The following SLC1A2 variants were observed in gnomAD, a reference collection of about 807,000 sequenced individuals.
SLC1A2 encodes solute carrier family 1 member 2.
SLC1A2 carries 15 observed loss-of-function variants against 48.8 expected under a neutral mutation model. That is an observed-to-expected ratio of 0.31 (90% CI 0.21 to 0.47). SLC1A2 has a LOEUF of 0.47. Ranked by LOEUF, SLC1A2 falls within the 20% of genes least tolerant of loss-of-function variation. The pLI is 0.99. For missense variants in SLC1A2, 502 were observed against 730.5 expected (o/e 0.69, Z 3.61); for synonymous variants, 279 against 272.6 (o/e 1.02, Z -0.23).
intron 1 of SLC1A2, among the ~76,000 whole-genome samples, chr11:35,400,685 G>A (rs536172559): frequency 2.6e-5 from 4 of 152,138 alleles, no homozygotes; most frequent in African/African-American, 9.7e-5. Context: ...AAAATTTCTA[G>A]AGGGATAACT....
chr11:35,413,795 C>T (rs1195262840), intron 1 of SLC1A2: 2 of 152,188 alleles, frequency 1.3e-5, no homozygotes, highest in African/African-American at 4.8e-5. Context: ...TGGCTGGGAA[C>T]TTGGGATGGC....
intron 1 of SLC1A2, among the ~76,000 whole-genome samples, chr11:35,340,966 C>G (rs1298283568): frequency 6.6e-6 from 1 of 152,142 alleles, no homozygotes; most frequent in Non-Finnish European, 1.5e-5. Flanking sequence ...AAAGCAGTGA[C>G]CAGTTCAAGG....
intron 1 of SLC1A2, among the ~76,000 whole-genome samples, chr11:35,393,757 T>TC (rs1413180843): frequency 6.6e-6 from 1 of 152,012 alleles, no homozygotes; most frequent in Admixed American, 6.5e-5. Context: ...TCTCCCCCCA[T>TC]CCCCAAAATA....
At position 35,258,755 on chromosome 11, in the gene SLC1A2, C is replaced by G. The variant is rs576683697; in HGVS notation, c.*2139G>C. The G allele has an allele frequency of 6.6e-6, 1 of 152,244 alleles. No individual in the cohort carries two copies. Among genetic ancestry groups the G allele is most frequent in the African/African-American group, 2.4e-5 (1 of 41,516 alleles). 9.4% of individuals were successfully genotyped at this position (152,244 alleles called of 1,614,324 possible). A position where few individuals can be genotyped will look rare whatever the true frequency, so the allele number is the denominator to read the frequency against. On this transcript the variant is annotated 3_prime_UTR_variant, in exon 11 of 11. Transcript: ENST00000278379. ...AGGAGATCGAGACCATCCTGGCTAA[C>G]ATAATGAAACCCATCTGTACTAAAA...
chr11:35,380,651 A>G (rs1333436517), intron 1 of SLC1A2: 1 of 366,186 alleles, frequency 2.7e-6, no homozygotes, highest in African/African-American at 2.1e-5. Context: ...AAAGAGGTAT[A>G]TAAATAAAAA....
chr11:35,307,479 G>C (rs963743871), intron 4 of SLC1A2, among the ~76,000 whole-genome samples: 5 of 152,174 alleles, frequency 3.3e-5, no homozygotes, highest in African/African-American at 1.2e-4. Flanking sequence ...TACATGCAGA[G>C]TGCTATAAAA....
At chr11:35,401,512 G>A (rs1161007383) in intron 1 of SLC1A2, among the ~76,000 whole-genome samples, 1 of 152,148 alleles carries the variant, frequency 6.6e-6, no homozygotes, top group Admixed American at 6.5e-5. Flanking sequence ...AATGAGAAAT[G>A]TTCAACCACC....
chr11:35,290,319 G>A (rs937311921), intron 7 of SLC1A2, among the ~76,000 whole-genome samples: 1 of 152,112 alleles, frequency 6.6e-6, no homozygotes, highest in Non-Finnish European at 1.5e-5. Flanking sequence ...ACTGTGGCTA[G>A]GACAGGGTGG....
intron 6 of SLC1A2, among the ~76,000 whole-genome samples, chr11:35,301,307 T>C (rs964191510): frequency 1.3e-5 from 2 of 151,768 alleles, no homozygotes; most frequent in East Asian, 3.9e-4. Flanking sequence ...AAAGAGAGAG[T>C]AGGTTAGATT....
chr11:35,260,969 A>G lies in SLC1A2; in HGVS notation c.1654-4T>C. 1 of 1,611,854 alleles carries G rather than the reference A, an allele frequency of 6.2e-7. No homozygotes were observed. Among genetic ancestry groups the G allele is most frequent in the East Asian group, 2.2e-5 (1 of 44,880 alleles). ...TTCCATTGGCTGCCAGAGTTACCTG[A>G]AAATAATTATCATCAACATCCAGCT... is the stretch of plus-strand genomic sequence containing the variant. On this transcript the variant is annotated splice_polypyrimidine_tract_variant and splice_region_variant and intron_variant, in intron 10 of 10. Coordinates refer to ENST00000278379, the MANE Select transcript of SLC1A2 (RefSeq NM_004171.4).
rs1851497902 is a variant in SLC1A2, at chr11:35,306,160, A to C, written c.644T>G (p.Leu215Trp). 6.2e-7 allele frequency: 1 copy of C among 1,613,950 alleles called. No homozygotes were observed. Among genetic ancestry groups the C allele is most frequent in the African/African-American group, 1.3e-5 (1 of 74,926 alleles). ...CGGCACCTCAGTCACAGTCTCGTTC[A>C]ACAGAGAGACAACAGCGCTGGTTGC... Reference protein sequence around the residue: ...ANATSAVVSLLNETVTEVPEE... With the variant: ...ANATSAVVSLWNETVTEVPEE... Residue 215 changes from leucine to tryptophan, a missense_variant, in exon 5 of 11, where the codon TTG (leucine) becomes TGG (tryptophan). By Grantham distance (61) the Leu-to-Trp change is moderately conservative (BLOSUM62 -2). This residue lies in a region of SLC1A2 where 309 missense variants were observed against 480.3 expected (regional missense o/e 0.64). Transcript: ENST00000278379.
At chr11:35,386,443 T>C (rs1408917709) in intron 1 of SLC1A2, among the ~76,000 whole-genome samples, 1 of 152,214 alleles carries the variant, frequency 6.6e-6, no homozygotes, top group African/African-American at 2.4e-5. Context: ...GGGATGTCAG[T>C]GTACATCAAC....
At chr11:35,392,479 G>A (rs898955494) in intron 1 of SLC1A2, 2 of 152,278 alleles carry the variant, frequency 1.3e-5, no homozygotes, top group African/African-American at 2.4e-5. Context: ...TTGGGGGAAG[G>A]GGACCTGCCT....
At chr11:35,285,119 A>G (rs1343504581) in intron 8 of SLC1A2, among the ~76,000 whole-genome samples, 6 of 152,264 alleles carry the variant, frequency 3.9e-5, no homozygotes, top group East Asian at 3.8e-4. Flanking sequence ...CTAATGCCCA[A>G]TGGAAAAAGT....
intron 1 of SLC1A2, among the ~76,000 whole-genome samples, chr11:35,345,305 C>G (rs915575516): frequency 2.6e-5 from 4 of 151,960 alleles, no homozygotes; most frequent in African/African-American, 7.2e-5. Context: ...GCAAACCCAG[C>G]CTTGTCTTCC....
At position 35,386,926 on chromosome 11, in the gene SLC1A2, CT is replaced by C. The variant is rs555927118; in HGVS notation, c.17+32023del. On this transcript the variant is annotated intron_variant, in intron 1 of 10. Coordinates refer to ENST00000278379, the MANE Select transcript of SLC1A2 (RefSeq NM_004171.4). ...AAGAACAAGGGGCAAAAATTTACATCTTTTTTCCCCCTTTTTTATTTGTTGT... is the reference window on the plus strand; with the variant it reads ...AAGAACAAGGGGCAAAAATTTACATCTTTTTCCCCCTTTTTTATTTGTTGT... Among the ~76,000 whole-genome samples, 340 of 152,254 alleles carry C rather than the reference CT, an allele frequency of 2.2e-3. 2 individuals are homozygous for C. The highest frequency in any genetic ancestry group is 8.0e-3 in the African/African-American group (333 of 41,556).
At chr11:35,319,999 A>T (rs1241266537) in intron 1 of SLC1A2, among the ~76,000 whole-genome samples, 2 of 152,212 alleles carry the variant, frequency 1.3e-5, no homozygotes, top group Admixed American at 6.5e-5. Context: ...AACTCTTTGT[A>T]AAAATTCTGA....
intron 1 of SLC1A2, among the ~76,000 whole-genome samples, chr11:35,343,337 A>G (rs867830373): frequency 2.0e-5 from 3 of 152,222 alleles, no homozygotes; most frequent in African/African-American, 7.2e-5. Flanking sequence ...ACCAAATCAC[A>G]CACCCACCAG....
chr11:35,349,309 A>T (rs1055759421), intron 1 of SLC1A2, among the ~76,000 whole-genome samples: 6 of 152,222 alleles, frequency 3.9e-5, no homozygotes, highest in Non-Finnish European at 7.4e-5. Flanking sequence ...AGACCAACAG[A>T]TCACAGAGAA....
Sources: gnomAD v4.1 joint callset for allele counts (sites outside exome capture counted in the v4.1 genomes callset) on GRCh38, gnomAD v4.1.1 for gene constraint, gnomAD v4.1.1 regional missense constraint, MANE v1.5 for transcripts, NCBI Gene and HGNC (gene_info 2026-07-23, HGNC 2026-07-21) for gene names.